GAS7: variants seen among roughly 807,000 people sequenced by gnomAD.
GAS7 encodes growth arrest specific 7, also known as growth arrest-specific protein 7.
In GAS7, 28 loss-of-function variants were observed where a neutral mutation model predicts 71.1. The observed-to-expected ratio is 0.39, with a 90% CI of 0.29 to 0.54. The LOEUF is 0.54. Among genes scored for constraint, GAS7 ranks in the 20% least tolerant of loss-of-function variants. The pLI, the probability that GAS7 is intolerant of heterozygous loss-of-function variation, is 0.62. For synonymous variants in GAS7, 258 were observed against 245.8 expected (o/e 1.05, Z -0.46); for missense variants, 436 against 627.8 (o/e 0.69, Z 3.27).
chr17:10,174,872 G>T (rs984438166), intron 1 of GAS7, among the ~76,000 whole-genome samples: 2 of 152,024 alleles, frequency 1.3e-5, no homozygotes, highest in Non-Finnish European at 1.5e-5. Context: ...CTGAGACAGG[G>T]TCTCACTCTG....
chr17:9,967,934 CCATTCTTTAAAATA>C (rs1318401601), intron 4 of GAS7, among the ~76,000 whole-genome samples: 1 of 152,198 alleles, frequency 6.6e-6, no homozygotes, highest in Non-Finnish European at 1.5e-5. Context: ...ATACCAGTGT[CCATTCTTTAAAATA>C]GATGAGTAAC....
At chr17:10,014,294 T>C (rs547893994) in intron 2 of GAS7, among the ~76,000 whole-genome samples, 1 of 152,314 alleles carries the variant, frequency 6.6e-6, no homozygotes, top group South Asian at 2.1e-4. Flanking sequence ...GCCACTGCTG[T>C]AGAATTGGTG....
intron 1 of GAS7, among the ~76,000 whole-genome samples, chr17:10,163,075 C>T (rs749073019): frequency 1.3e-5 from 2 of 152,124 alleles, no homozygotes; most frequent in Non-Finnish European, 2.9e-5. Flanking sequence ...AGGCCAGACA[C>T]GATGGCTCAG....
intron 8 of GAS7, among the ~76,000 whole-genome samples, chr17:9,934,540 AC>A (rs1036559180): frequency 7.9e-5 from 12 of 152,018 alleles, no homozygotes; most frequent in Admixed American, 7.9e-4. Flanking sequence ...GCTCGAAAGG[AC>A]CCAGGAAGGT....
chr17:10,041,613 C>A (rs1308278220), intron 1 of GAS7, among the ~76,000 whole-genome samples: 1 of 152,186 alleles, frequency 6.6e-6, no homozygotes, highest in African/African-American at 2.4e-5. Flanking sequence ...GGAAGACTCA[C>A]GAATACATTC....
intron 1 of GAS7, among the ~76,000 whole-genome samples, chr17:10,146,226 T>C (rs2074119875): frequency 6.6e-6 from 1 of 152,122 alleles, no homozygotes; most frequent in South Asian, 2.1e-4. Flanking sequence ...TAGTATTAAA[T>C]TGAAGGCGCA....
intron 9 of GAS7, among the ~76,000 whole-genome samples, chr17:9,929,039 C>G (rs890996457): frequency 6.6e-6 from 1 of 152,150 alleles, no homozygotes; most frequent in African/African-American, 2.4e-5. Context: ...GAAAACATCC[C>G]CACCTGGCGG....
chr17:10,139,467 C>T (rs943493704), intron 1 of GAS7, among the ~76,000 whole-genome samples: 1 of 152,224 alleles, frequency 6.6e-6, no homozygotes, highest in African/African-American at 2.4e-5. Context: ...AGATACTCAA[C>T]ATTCTTAATT....
At chr17:10,052,784 C>T (rs973644846) in intron 1 of GAS7, among the ~76,000 whole-genome samples, 1 of 152,166 alleles carries the variant, frequency 6.6e-6, no homozygotes, top group African/African-American at 2.4e-5. Context: ...CCAGGCTCCT[C>T]ACTTTGGGGC....
At chr17:10,116,892 G>C (rs1307467856) in intron 1 of GAS7, among the ~76,000 whole-genome samples, 1 of 152,006 alleles carries the variant, frequency 6.6e-6, no homozygotes, top group Non-Finnish European at 1.5e-5. Context: ...AATGATGAGG[G>C]GGGGAAAAGA....
chr17:10,052,963 T>A (rs1355576493), intron 1 of GAS7, among the ~76,000 whole-genome samples: 1 of 152,092 alleles, frequency 6.6e-6, no homozygotes, highest in Non-Finnish European at 1.5e-5. Context: ...CTCAAATCCA[T>A]CCCCAGGCAC....
intron 1 of GAS7, among the ~76,000 whole-genome samples, chr17:10,078,650 T>G (rs16959284): frequency 0.018 from 2,803 of 152,188 alleles, 77 homozygotes; most frequent in African/African-American, 0.065. Flanking sequence ...AAGGAAAAAG[T>G]AAAGTGTTGG....
chr17:10,017,178 A>AAATAAAT (rs1335610177), intron 2 of GAS7, among the ~76,000 whole-genome samples: 2 of 150,626 alleles, frequency 1.3e-5, no homozygotes, highest in Non-Finnish European at 3.0e-5. Flanking sequence ...ATAAATAAAT[A>AAATAAAT]AAGAGAGGAA....
rs79086644 is a variant in GAS7 at position 10,013,342 on chromosome 17, A to C, written c.304+6435T>G. Among the ~76,000 whole-genome samples, 113 of 152,332 alleles carry C rather than the reference A, an allele frequency of 7.4e-4. 2 individuals are homozygous for C. In the East Asian group the frequency reaches 0.019, roughly 26 times the overall value. ...TAGTGCAGCCTGCACAGACTAAGAC[A>C]GTCTCCTTAACACTAGCTGAGGTCC... is the stretch of plus-strand genomic sequence containing the variant. On this transcript the variant is annotated intron_variant, in intron 2 of 13. Transcript: ENST00000432992.
At chr17:10,066,103 G>A (rs1489161071) in intron 1 of GAS7, among the ~76,000 whole-genome samples, 1 of 152,200 alleles carries the variant, frequency 6.6e-6, no homozygotes, top group Non-Finnish European at 1.5e-5. Context: ...TGACCAGATT[G>A]CTATGGCGTA....
rs1396298018 is a variant in GAS7, at chr17:10,198,597, G to T, written c.-207C>A. Reference sequence around the variant, plus strand: ...CAGAGACTCGTTGGCTTCGCAGAGCGAGCGGCGACGCCCCCGGGCCGGGCA... The same window carrying T: ...CAGAGACTCGTTGGCTTCGCAGAGCTAGCGGCGACGCCCCCGGGCCGGGCA... On this transcript the variant is annotated 5_prime_UTR_variant, in exon 1 of 14. Transcript: ENST00000432992. 5.6e-6 allele frequency: 2 copies of T among 354,846 alleles called. No homozygotes were observed. The highest frequency in any genetic ancestry group is 2.4e-4 in the South Asian group (2 of 8,168). The allele number at this position is 354,846 out of a possible 1,614,324, so 22.0% of individuals were successfully genotyped here. A position where few individuals can be genotyped will look rare whatever the true frequency, so the allele number is the denominator to read the frequency against.
At chr17:9,987,386 T>A (rs974690314) in intron 2 of GAS7, among the ~76,000 whole-genome samples, 1 of 152,268 alleles carries the variant, frequency 6.6e-6, no homozygotes, top group East Asian at 1.9e-4. Flanking sequence ...ATACTGGCCA[T>A]GGATGAAACC....
At chr17:10,157,207 A>G (rs763156601) in intron 1 of GAS7, among the ~76,000 whole-genome samples, 6 of 152,146 alleles carry the variant, frequency 3.9e-5, no homozygotes, top group Non-Finnish European at 5.9e-5. Context: ...CAGCAAACCC[A>G]GAGTCCTCAG....
chr17:10,168,517 C>T, intron 1 of GAS7, among the ~76,000 whole-genome samples: 1 of 152,162 alleles, frequency 6.6e-6, no homozygotes, highest in East Asian at 1.9e-4. Flanking sequence ...CACAGTCAGG[C>T]TGTATGTCTG....
Sources: allele counts gnomAD v4.1 joint callset (sites outside exome capture counted in the v4.1 genomes callset), GRCh38; gene constraint gnomAD v4.1.1; transcripts MANE v1.5; gene names NCBI Gene and HGNC (gene_info 2026-07-23, HGNC 2026-07-21).